HLA-DMA: variants seen among roughly 807,000 people sequenced by gnomAD.
HLA-DMA encodes the protein HLA class II histocompatibility antigen, DM alpha chain.
HLA-DMA carries 20 observed loss-of-function variants against 27.3 expected under a neutral mutation model. The ratio of observed to expected loss-of-function variants is 0.73; its 90% CI spans 0.52 to 1.07. The LOEUF is 1.07. Among genes scored for constraint, HLA-DMA ranks in the 50% least tolerant of loss-of-function variants. The probability of loss-of-function intolerance (pLI) is 0.00; values close to 1 mark genes in which losing one functional copy is unlikely to be tolerated. For missense variants in HLA-DMA, 241 were observed against 321.7 expected (o/e 0.75, Z 1.92); for synonymous variants, 111 against 126.8 (o/e 0.88, Z 0.83).
intron 1 of HLA-DMA, chr6:32,952,254 TC>T (rs896894649): frequency 4.3e-6 from 2 of 462,040 alleles, no homozygotes; most frequent in African/African-American, 2.0e-5. Context: ...CCTCCCACTA[TC>T]CCCAGACACA....
chr6:32,953,046 C>T lies in HLA-DMA; in HGVS notation c.-10G>A. The T allele has an allele frequency of 3.7e-6, 6 of 1,608,470 alleles. No homozygotes were observed. The highest frequency in any genetic ancestry group is 5.1e-6 in the Non-Finnish European group (6 of 1,176,428). On this transcript the variant is annotated 5_prime_UTR_variant, in exon 1 of 5. Transcript: ENST00000374843. ...TCTGTTCATGACCCATACCTTCTTG[C>T]CACACAGTAGGTAGGAGCTACCAAC...
At position 32,953,051 on chromosome 6, in the gene HLA-DMA, C is replaced by A; in HGVS notation, c.-15G>T. The A allele has an allele frequency of 6.2e-7, 1 of 1,605,624 alleles. No homozygotes were observed. The highest frequency in any genetic ancestry group is 8.5e-7 in the Non-Finnish European group (1 of 1,174,056). ...TCATGACCCATACCTTCTTGCCACA[C>A]AGTAGGTAGGAGCTACCAACCCAGC... On this transcript the variant is annotated 5_prime_UTR_variant, in exon 1 of 5. Transcript: ENST00000374843.
Position 32,948,738 on chromosome 6 carries a change from C to T in HLA-DMA, c.*126G>A. ...AGAGTCCCCAGGTGGGAAATCTACACACACACCCCAGGGATGTCCCAGAGA... is the reference window on the plus strand; with the variant it reads ...AGAGTCCCCAGGTGGGAAATCTACATACACACCCCAGGGATGTCCCAGAGA... On this transcript the variant is annotated 3_prime_UTR_variant, in exon 5 of 5. Coordinates refer to ENST00000374843, the MANE Select transcript of HLA-DMA (RefSeq NM_006120.4). 8.5e-7 allele frequency: 1 copy of T among 1,169,680 alleles called. No individual in the cohort carries two copies. Among genetic ancestry groups the T allele is most frequent in the Admixed American group, 1.8e-5 (1 of 55,994 alleles). The allele number at this position is 1,169,680 out of a possible 1,614,324, so 72.5% of individuals were successfully genotyped here.
Position 32,949,510 on chromosome 6 carries a change from G to A in HLA-DMA, c.652+101C>T. The A allele has an allele frequency of 6.3e-7, 1 of 1,590,868 alleles. No homozygotes were observed. The highest frequency in any genetic ancestry group is 1.7e-5 in the Admixed American group (1 of 59,202). On this transcript the variant is annotated intron_variant, in intron 3 of 4. Transcript: ENST00000374843. This position sits in a 1 kb window ranked among gnomAD's most constrained non-coding sequence, Gnocchi z 5.8. ...GGAGACTGGGATGGGCTTAGGGTAG[G>A]AATGGACTAAACAAGGTACCAGTGG...
intron 1 of HLA-DMA, 38 bp downstream of exon 1, chr6:32,952,911 T>G: frequency 1.3e-6 from 2 of 1,515,888 alleles, no homozygotes; most frequent in Non-Finnish European, 1.8e-6. Flanking sequence ...GTGGGCTCCC[T>G]AGGTTCAGGA....
Position 32,952,978 on chromosome 6 carries a change from A to G in HLA-DMA, c.59T>C (p.Leu20Pro), listed in dbSNP as rs749107131. The G allele has an allele frequency of 6.2e-7, 1 of 1,612,962 alleles. No homozygotes were observed. The highest frequency in any genetic ancestry group is 8.5e-7 in the Non-Finnish European group (1 of 1,179,938). ...ALLQMLPLLW[L>P]LPHSWAVPEA... ...AGGGACGGCCCAGGAGTGGGGTAGCAGCCACAGAAGTGGTAACATCTGTAG... is the reference window on the plus strand; with the variant it reads ...AGGGACGGCCCAGGAGTGGGGTAGCGGCCACAGAAGTGGTAACATCTGTAG... Residue 20 changes from leucine to proline, a missense_variant, in exon 1 of 5, where the codon CTG becomes CCG. By Grantham distance (98) the Leu-to-Pro change is moderately conservative. Transcript: ENST00000374843.
Position 32,950,897 on chromosome 6 carries a change from C to T in HLA-DMA, c.89-94G>A, listed in dbSNP as rs1215643004. On this transcript the variant is annotated intron_variant, in intron 1 of 4. Coordinates refer to ENST00000374843, the MANE Select transcript of HLA-DMA (RefSeq NM_006120.4). The surrounding 1 kb of genome is among the most constrained non-coding windows in gnomAD (Gnocchi z 5.0). ...TGGGGCTAGGCGCAGTGGCTCATGCCTGTAATCCCAGCACTTTGGGAGGCC... is the reference window on the plus strand; with the variant it reads ...TGGGGCTAGGCGCAGTGGCTCATGCTTGTAATCCCAGCACTTTGGGAGGCC... 2 of 1,312,426 alleles carry T rather than the reference C, an allele frequency of 1.5e-6. No individual in the cohort carries two copies. Among genetic ancestry groups the T allele is most frequent in the African/African-American group, 1.5e-5 (1 of 68,218 alleles). 81.3% of individuals were successfully genotyped at this position (1,312,426 alleles called of 1,614,324 possible).
chr6:32,951,180 G>A (rs559625139), intron 1 of HLA-DMA, among the ~76,000 whole-genome samples: 1 of 152,154 alleles, frequency 6.6e-6, no homozygotes, highest in East Asian at 1.9e-4. Context: ...AGCAAGGCCT[G>A]CTTAAGGAGC....
Position 32,950,428 on chromosome 6 carries a change from TG to T in HLA-DMA, c.373+90del. On this transcript the variant is annotated intron_variant, in intron 2 of 4. Coordinates refer to ENST00000374843, the MANE Select transcript of HLA-DMA (RefSeq NM_006120.4). The surrounding 1 kb of genome is among the most constrained non-coding windows in gnomAD (Gnocchi z 5.0). Reference sequence around the variant, plus strand: ...GAAGAGAACCAGAAAGTATTTGAGATGGGGAGCTGGTATCAAGGGGAATTAT... The same window carrying T: ...GAAGAGAACCAGAAAGTATTTGAGATGGGAGCTGGTATCAAGGGGAATTAT... 1 of 1,409,748 alleles carries T rather than the reference TG, an allele frequency of 7.1e-7. No individual in the cohort carries two copies. The highest frequency in any genetic ancestry group is 9.8e-7 in the Non-Finnish European group (1 of 1,017,188). The allele number at this position is 1,409,748 out of a possible 1,614,324, so 87.3% of individuals were successfully genotyped here.
rs956515450 is a variant in HLA-DMA, at chr6:32,952,977, C to T, written c.60G>A (p.Leu20=). ...CAGGGACGGCCCAGGAGTGGGGTAG[C>T]AGCCACAGAAGTGGTAACATCTGTA... ...ALLQMLPLLW[L]LPHSWAVPEA... Residue 20 remains leucine, a synonymous_variant, in exon 1 of 5, where the codon CTG becomes CTA. Transcript: ENST00000374843. The T allele has an allele frequency of 6.2e-7, 1 of 1,612,764 alleles. No homozygotes were observed. Among genetic ancestry groups the T allele is most frequent in the African/African-American group, 1.3e-5 (1 of 74,904 alleles).
chr6:32,948,943 C>A (rs1776768034), intron 4 of HLA-DMA, 75 bp from the exon 5 acceptor site: 2 of 1,549,652 alleles, frequency 1.3e-6, no homozygotes, highest in African/African-American at 1.4e-5. Context: ...TCCTCCTCCC[C>A]CACAAAGGCC....
At position 32,950,659 on chromosome 6, in the gene HLA-DMA, C is replaced by A; in HGVS notation, c.233G>T (p.Arg78Leu). ...AGCAAATTCGGGCAGGCGAGGCACC[C>A]GAGTGTTCTGGGAAAAGTCGAAGAA... Reference protein sequence around the residue: ...LFFFDFSQNTRVPRLPEFADW... With the variant: ...LFFFDFSQNTLVPRLPEFADW... The change falls in exon 2 of 5, where the codon CGG becomes CTG. Residue 78 changes from arginine to leucine, a missense_variant. Arg to Leu is a moderately radical substitution (Grantham distance 102, BLOSUM62 -2). Coordinates refer to ENST00000374843, the MANE Select transcript of HLA-DMA (RefSeq NM_006120.4). The surrounding 1 kb of genome is among the most constrained non-coding windows in gnomAD (Gnocchi z 5.0). The A allele has an allele frequency of 1.2e-6, 2 of 1,613,010 alleles. No individual in the cohort carries two copies. The highest frequency in any genetic ancestry group is 2.2e-5 in the South Asian group (2 of 91,080).
intron 1 of HLA-DMA, chr6:32,952,433 T>C (rs1376414503): frequency 4.2e-6 from 2 of 471,786 alleles, no homozygotes; most frequent in Non-Finnish European, 8.8e-6. Context: ...TTGAAGCTCT[T>C]GGCAGGAATC....
chr6:32,950,541 A>T lies in HLA-DMA; in HGVS notation c.351T>A (p.Asp117Glu). ...WMIQQIGPKL[D>E]GKIPVSRGFP... ...GACCTCTGGACACCGGGATTTTCCCATCAAGTTTTGGCCCTATTTGCTGGA... is the reference window on the plus strand; with the variant it reads ...GACCTCTGGACACCGGGATTTTCCCTTCAAGTTTTGGCCCTATTTGCTGGA... Residue 117 changes from aspartate (D) to glutamate (E), a missense_variant, in exon 2 of 5, where the codon GAT becomes GAA. Transcript: ENST00000374843. This position sits in a 1 kb window ranked among gnomAD's most constrained non-coding sequence, Gnocchi z 5.0. 1 of 1,613,074 alleles carries T rather than the reference A, an allele frequency of 6.2e-7. No individual in the cohort carries two copies. Among genetic ancestry groups the T allele is most frequent in the Non-Finnish European group, 8.5e-7 (1 of 1,180,040 alleles).
intron 4 of HLA-DMA, 66 bp from the exon 5 acceptor site, chr6:32,948,934 C>T: frequency 6.4e-7 from 1 of 1,572,820 alleles, no homozygotes; most frequent in Non-Finnish European, 8.7e-7. Context: ...TTCTCCTCCT[C>T]CTCCTCCCCC....
In HLA-DMA at chr6:32,950,617, T is replaced by C. The variant is rs567464760; in HGVS notation, c.275A>G (p.Gln92Arg). 6.0e-5 allele frequency: 96 copies of C among 1,613,076 alleles called. No homozygotes were observed. The African/African-American group carries it at 6.5e-4, about 11-fold the overall frequency. Reference sequence around the variant, plus strand: ...AAATAAAATGGCAGGAGCATCTCCCTGTTCCTGAGCCCAGTCAGCAAATTC... The same window carrying C: ...AAATAAAATGGCAGGAGCATCTCCCCGTTCCTGAGCCCAGTCAGCAAATTC... ...LPEFADWAQEQGDAPAILFDK... is the reference protein window; with the variant it reads ...LPEFADWAQERGDAPAILFDK... The change falls in exon 2 of 5, where the codon CAG becomes CGG. Residue 92 changes from glutamine (Q) to arginine (R), a missense_variant. Physicochemically the swap from Gln to Arg is conservative, Grantham distance 43. Transcript: ENST00000374843. The surrounding 1 kb of genome is among the most constrained non-coding windows in gnomAD (Gnocchi z 5.0).
In HLA-DMA at chr6:32,949,153, C is replaced by T; in HGVS notation, c.781+118G>A. 2.1e-6 allele frequency: 3 copies of T among 1,399,586 alleles called. No homozygotes were observed. The highest frequency in any genetic ancestry group is 2.0e-6 in the Non-Finnish European group (2 of 1,013,168). The allele number at this position is 1,399,586 out of a possible 1,614,324, so 86.7% of individuals were successfully genotyped here. A position where few individuals can be genotyped will look rare whatever the true frequency, so the allele number is the denominator to read the frequency against. On this transcript the variant is annotated intron_variant, in intron 4 of 4. Transcript: ENST00000374843. This position sits in a 1 kb window ranked among gnomAD's most constrained non-coding sequence, Gnocchi z 5.8. ...TGGTGCTGGATACAGGCCCCCACAC[C>T]CAAGGGCCTGAGGATCGCTATATGT...
chr6:32,949,550 T>G lies in HLA-DMA; in HGVS notation c.652+61A>C, dbSNP rs1776797043. ...GGTACCAGTGGAGAAAGAAGCCTCC[T>G]CCCATGGATCTATCCCTTTTTGCCC... On this transcript the variant is annotated intron_variant, in intron 3 of 4. Transcript: ENST00000374843. This position sits in a 1 kb window ranked among gnomAD's most constrained non-coding sequence, Gnocchi z 5.8. 1 of 1,601,154 alleles carries G rather than the reference T, an allele frequency of 6.2e-7. No individual in the cohort carries two copies. The highest frequency in any genetic ancestry group is 1.3e-5 in the African/African-American group (1 of 74,242).
chr6:32,952,836 G>T, intron 1 of HLA-DMA, 113 bp downstream of exon 1: 1 of 759,878 alleles, frequency 1.3e-6, no homozygotes, highest in Non-Finnish European at 2.3e-6. Context: ...CTCCCCTGTT[G>T]TTTCCACTGC....
Sources: gnomAD v4.1 joint callset for allele counts (sites outside exome capture counted in the v4.1 genomes callset) on GRCh38, gnomAD v4.1.1 for gene constraint, Gnocchi (gnomAD v3.1) non-coding constraint, MANE v1.5 for transcripts, NCBI Gene and HGNC (gene_info 2026-07-23, HGNC 2026-07-21) for gene names.